The following BTD variants were observed in gnomAD, a reference collection of about 807,000 sequenced individuals.
The protein encoded by BTD is biotinidase.
A neutral mutation model predicts 17.7 loss-of-function variants in BTD; 13 were observed. The ratio of observed to expected loss-of-function variants is 0.74; its 90% CI spans 0.48 to 1.17. BTD has a LOEUF of 1.17. Among genes scored for constraint, BTD ranks in the 50% most tolerant of loss-of-function variants. BTD has a pLI of 0.00. For synonymous variants in BTD, 240 were observed against 245.2 expected, an observed-to-expected ratio of 0.98 and a Z score of 0.20; for missense variants, 674 against 650.4, an observed-to-expected ratio of 1.04 and a Z score of -0.39.
chr3:15,694,615 A>T, intron 3 of BTD: 1 of 605,316 alleles, frequency 1.7e-6, no homozygotes, highest in Non-Finnish European at 2.7e-6. Flanking sequence ...TCAAAGTTTT[A>T]ATTCCATGAT....
At chr3:15,670,591 C>A in intron 3 of BTD, 1 of 1,584,442 alleles carries the variant, frequency 6.3e-7, no homozygotes, top group South Asian at 1.1e-5. Context: ...AATTAAGCAT[C>A]CTGAGATGTA....
chr3:15,714,444 A>T, downstream of BTD: 1 of 651,210 alleles, frequency 1.5e-6, no homozygotes, highest in Non-Finnish European at 2.5e-6. Flanking sequence ...TATTTTCATG[A>T]GCTCTGAAAT....
At chr3:15,643,934 A>G (rs900402760) in intron 3 of BTD, among the ~76,000 whole-genome samples, 1 of 148,958 alleles carries the variant, frequency 6.7e-6, no homozygotes, top group African/African-American at 2.4e-5. Context: ...AAAGAAGAGG[A>G]AGCAAAAGGA....
At chr3:15,611,063 A>C (rs1427729322) in intron 1 of BTD, among the ~76,000 whole-genome samples, 2 of 152,194 alleles carry the variant, frequency 1.3e-5, no homozygotes, top group Non-Finnish European at 2.9e-5. Flanking sequence ...TTTATCTGAA[A>C]GTTAAATTTA....
At chr3:15,655,893 C>T (rs953203830), downstream of BTD, among the ~76,000 whole-genome samples, 3 of 152,178 alleles carry the variant, frequency 2.0e-5, no homozygotes, top group Non-Finnish European at 4.4e-5. Context: ...ACCTCTGCGT[C>T]CCGGGTTCAA....
chr3:15,636,127 A>G (rs920243692), intron 2 of BTD, among the ~76,000 whole-genome samples: 4 of 152,138 alleles, frequency 2.6e-5, no homozygotes, highest in Non-Finnish European at 5.9e-5. Context: ...TGGCACTGGG[A>G]TTGTTTTAAG....
intron 3 of BTD, chr3:15,694,604 C>T: frequency 1.9e-6 from 1 of 533,062 alleles, no homozygotes; most frequent in Non-Finnish European, 3.1e-6. Context: ...AAAGAAAGTT[C>T]TCAAAGTTTT....
At chr3:15,696,543 AC>A (rs2069601430) in intron 3 of BTD, among the ~76,000 whole-genome samples, 1 of 151,940 alleles carries the variant, frequency 6.6e-6, no homozygotes, top group Non-Finnish European at 1.5e-5. Flanking sequence ...CTATACCACC[AC>A]CTATTCTACT....
At chr3:15,603,354 G>C (rs964176964) in intron 1 of BTD, among the ~76,000 whole-genome samples, 7 of 152,280 alleles carry the variant, frequency 4.6e-5, no homozygotes, top group Admixed American at 2.0e-4. Flanking sequence ...CTATGAGCCT[G>C]TAAAATCAAA....
intron 3 of BTD, chr3:15,676,228 G>A: frequency 2.6e-6 from 1 of 383,894 alleles, no homozygotes; most frequent in South Asian, 1.2e-4. Flanking sequence ...CCATCGACAG[G>A]TCCCTACCTT....
rs1184532114 is a variant in BTD at position 15,677,469 on chromosome 3, T to C, written c.400-32591T>C. On this transcript the variant is annotated intron_variant, in intron 3 of 3. Transcript: ENST00000672141. ...TAACAATGGAAACATATTCTTAAGATGTATACATACCTTGCTACAAGCCAA... is the reference window on the plus strand; with the variant it reads ...TAACAATGGAAACATATTCTTAAGACGTATACATACCTTGCTACAAGCCAA... The C allele has an allele frequency of 1.9e-6, 3 of 1,590,636 alleles. No individual in the cohort carries two copies. The Admixed American group carries it at 5.0e-5, about 27-fold the overall frequency.
At chr3:15,657,462 CAGAG>C (rs1256628585), downstream of BTD, among the ~76,000 whole-genome samples, 1 of 151,566 alleles carries the variant, frequency 6.6e-6, no homozygotes, top group Non-Finnish European at 1.5e-5. Flanking sequence ...AACTGAGACA[CAGAG>C]AGGCTGAACA....
In BTD at chr3:15,651,064, G is replaced by A. The variant is rs116764579; in HGVS notation, c.*5576G>A. 0.011 allele frequency among the ~76,000 whole-genome samples: 1,601 copies of A among 152,282 alleles called. 28 individuals carry two copies. The highest frequency in any genetic ancestry group is 0.036 in the African/African-American group (1,501 of 41,544). ...ATTACAGGCGTGAGCCACCGTACCC[G>A]GCCAGGGCTGTGATATTCTGATCAG... On this transcript the variant is annotated 3_prime_UTR_variant, in exon 4 of 4. Coordinates refer to ENST00000643237, the MANE Select transcript of BTD (RefSeq NM_001370658.1).
chr3:15,681,653 C>T (rs887477162), intron 3 of BTD, among the ~76,000 whole-genome samples: 1 of 152,078 alleles, frequency 6.6e-6, no homozygotes, highest in Non-Finnish European at 1.5e-5. Context: ...TTAAACTTTA[C>T]CCTATAATTG....
At chr3:15,620,890 A>G (rs2064934706) in intron 1 of BTD, among the ~76,000 whole-genome samples, 1 of 152,230 alleles carries the variant, frequency 6.6e-6, no homozygotes, top group Non-Finnish European at 1.5e-5. Context: ...TGGAGGCTGA[A>G]AAGTCCAATA....
At chr3:15,626,796 G>A (rs1963067) in intron 1 of BTD, among the ~76,000 whole-genome samples, 55,530 of 129,962 alleles carry the variant, frequency 0.43, 14,470 homozygotes, top group African/African-American at 0.72. Context: ...AAAAAAAAAA[G>A]AAAAGAAAAG....
At chr3:15,702,822 C>A (rs2070803819) in intron 3 of BTD, among the ~76,000 whole-genome samples, 1 of 152,022 alleles carries the variant, frequency 6.6e-6, no homozygotes, top group Non-Finnish European at 1.5e-5. Flanking sequence ...TACCACCCCC[C>A]ACCACCCCAC....
intron 3 of BTD, among the ~76,000 whole-genome samples, chr3:15,697,035 T>C (rs1213235387): frequency 6.6e-6 from 1 of 152,130 alleles, no homozygotes; most frequent in Admixed American, 6.6e-5. Flanking sequence ...ATGAAACAAG[T>C]CTATTTAGGC....
Position 15,646,724 on chromosome 3 carries a change from A to G in BTD, c.*1236A>G, listed in dbSNP as rs1294562013. The stretch of plus-strand genomic sequence containing the variant: ...AGTGATTTGCCTCTTAAATGTGGCC[A>G]TTTAGTTTGAACTCCTTTTTAGTTA... On this transcript the variant is annotated 3_prime_UTR_variant, in exon 4 of 4. Transcript: ENST00000643237. 6 of 152,236 alleles carry G rather than the reference A, an allele frequency of 3.9e-5. No individual in the cohort carries two copies. The highest frequency in any genetic ancestry group is 1.4e-4 in the African/African-American group (6 of 41,456). The allele number at this position is 152,236 out of a possible 1,614,324, so 9.4% of individuals were successfully genotyped here.
Sources: allele counts gnomAD v4.1 joint callset (sites outside exome capture counted in the v4.1 genomes callset), GRCh38; gene constraint gnomAD v4.1.1; transcripts MANE v1.5; gene names NCBI Gene and HGNC (gene_info 2026-07-23, HGNC 2026-07-21).